TBC1D12: variants seen among roughly 807,000 people sequenced by gnomAD.
TBC1D12 encodes TBC1 domain family member 12, also known as TBC1 domain family, member 12.
TBC1D12 carries 56 observed loss-of-function variants against 86.7 expected under a neutral mutation model. The observed-to-expected ratio is 0.65, with a 90% confidence interval of 0.52 to 0.81. The LOEUF (loss-of-function observed/expected upper bound fraction) is 0.81. Ranked by LOEUF, TBC1D12 falls within the 30% of genes least tolerant of loss-of-function variation. The probability of loss-of-function intolerance (pLI) is 0.00; values close to 1 mark genes in which losing one functional copy is unlikely to be tolerated. For synonymous variants in TBC1D12, 421 were observed against 411.7 expected, an observed-to-expected ratio of 1.02 and a Z score of -0.27; for missense variants, 1,023 against 1,038.8, an observed-to-expected ratio of 0.98 and a Z score of 0.21.
At chr10:94,474,588 A>G in intron 2 of TBC1D12, 80 bp from the exon 3 acceptor site, 2 of 985,260 alleles carry the variant, frequency 2.0e-6, no homozygotes, top group Admixed American at 2.1e-5. Flanking sequence ...TTATAGCATA[A>G]TATTTTTAAT....
At chr10:94,511,508 T>A in intron 8 of TBC1D12, 75 bp from the exon 9 acceptor site, 1 of 906,820 alleles carries the variant, frequency 1.1e-6, no homozygotes, top group Non-Finnish European at 1.8e-6. Context: ...TGCTACAGTT[T>A]ATTAACATGT....
At chr10:94,494,957 G>T (rs1000266859) in intron 4 of TBC1D12, among the ~76,000 whole-genome samples, 24 of 151,190 alleles carry the variant, frequency 1.6e-4, no homozygotes, top group Admixed American at 1.3e-3. Flanking sequence ...GAATTCCTGG[G>T]CTCAAGCAAT....
intron 1 of TBC1D12, among the ~76,000 whole-genome samples, chr10:94,432,727 T>C (rs899525381): frequency 3.3e-5 from 5 of 152,084 alleles, no homozygotes; most frequent in Non-Finnish European, 5.9e-5. Context: ...TCTGAACTTA[T>C]TGTATTGTCA....
At chr10:94,443,587 T>G (rs1305305632) in intron 2 of TBC1D12, among the ~76,000 whole-genome samples, 1 of 152,210 alleles carries the variant, frequency 6.6e-6, no homozygotes, top group East Asian at 1.9e-4. Context: ...TGTGGGATAT[T>G]TAAATTTTTT....
chr10:94,414,169 G>T (rs1190025484), intron 1 of TBC1D12, among the ~76,000 whole-genome samples: 3 of 152,074 alleles, frequency 2.0e-5, no homozygotes, highest in Non-Finnish European at 4.4e-5. Flanking sequence ...CGTTATTCTT[G>T]TTAAGGTGGT....
chr10:94,531,350 A>T lies in TBC1D12; in HGVS notation c.2149A>T (p.Ile717Phe). 6.2e-7 allele frequency: 1 copy of T among 1,614,148 alleles called. No homozygotes were observed. Residue 717 changes from isoleucine (I) to phenylalanine (F), a missense_variant, in exon 12 of 13, where the codon ATT becomes TTT. By Grantham distance (21) the Ile-to-Phe change is conservative. Around this residue, in one of 2 missense-constraint regions of TBC1D12, gnomAD observed 395 missense variants for 507.7 expected, o/e 0.78. Coordinates refer to ENST00000225235, the MANE Select transcript of TBC1D12 (RefSeq NM_015188.2). ...YEDILLQMDFIHIAQFLTKLP... is the reference protein window; with the variant it reads ...YEDILLQMDFFHIAQFLTKLP... ...AGATATTCTCCTGCAGATGGACTTT[A>T]TTCATATAGCACAGTTTCTAACTAA... is the stretch of plus-strand genomic sequence containing the variant.
rs577890856 is a variant in TBC1D12, at chr10:94,455,431, A to G, written c.1095+13412A>G. Among the ~76,000 whole-genome samples the G allele has an allele frequency of 3.9e-5, 6 of 152,248 alleles. No individual in the cohort carries two copies. The South Asian group carries it at 6.2e-4, about 16-fold the overall frequency. ...ATGAGTGAGGAAGTATTTCCTCTCC[A>G]TCTGTCTTGTGGAAGAGATTATAGA... On this transcript the variant is annotated intron_variant, in intron 2 of 12. Transcript: ENST00000225235.
chr10:94,487,694 C>CTTTT (rs35682157), intron 3 of TBC1D12, among the ~76,000 whole-genome samples: 8 of 127,334 alleles, frequency 6.3e-5, no homozygotes, highest in Non-Finnish European at 1.3e-4. Context: ...TGTTGTTTCT[C>CTTTT]TTTTTTTTTT....
At chr10:94,504,075 G>A (rs185764540) in intron 6 of TBC1D12, among the ~76,000 whole-genome samples, 1 of 152,246 alleles carries the variant, frequency 6.6e-6, no homozygotes, top group African/African-American at 2.4e-5. Context: ...TCTGAGTTTG[G>A]AACAGATTGA....
At chr10:94,405,821 T>TC (rs1057309427) in intron 1 of TBC1D12, among the ~76,000 whole-genome samples, 8 of 152,068 alleles carry the variant, frequency 5.3e-5, no homozygotes, top group Non-Finnish European at 1.0e-4. Context: ...CATTTTTTTT[T>TC]TTTTTTGAGA....
intron 11 of TBC1D12, among the ~76,000 whole-genome samples, chr10:94,525,540 G>T (rs1024814190): frequency 6.6e-6 from 1 of 151,476 alleles, no homozygotes; most frequent in Non-Finnish European, 1.5e-5. Flanking sequence ...GGAGGCCAAG[G>T]TTGCAGTAAG....
chr10:94,448,877 T>G (rs1326361411), intron 2 of TBC1D12, among the ~76,000 whole-genome samples: 2 of 152,242 alleles, frequency 1.3e-5, no homozygotes, highest in Admixed American at 1.3e-4. Flanking sequence ...TAACTACACT[T>G]CTAGTTGCGT....
intron 6 of TBC1D12, among the ~76,000 whole-genome samples, chr10:94,501,247 G>A (rs1271361902): frequency 2.0e-5 from 3 of 151,844 alleles, no homozygotes; most frequent in Admixed American, 6.6e-5. Context: ...TCAGGATTTC[G>A]AGACCAGCCT....
chr10:94,522,031 A>G lies in TBC1D12; in HGVS notation c.1838A>G (p.Asn613Ser), dbSNP rs1433252216. 3.7e-6 allele frequency: 6 copies of G among 1,612,922 alleles called. No homozygotes were observed. Among genetic ancestry groups the G allele is most frequent in the South Asian group, 1.1e-5 (1 of 90,920 alleles). Reference protein sequence around the residue: ...EEADAFIAFANLLNKPCQLAF... With the variant: ...EEADAFIAFASLLNKPCQLAF... Reference sequence around the variant, plus strand: ...GCAGATGCCTTTATCGCATTTGCCAATCTCCTGAATAAGCCATGCCAGTTG... The same window carrying G: ...GCAGATGCCTTTATCGCATTTGCCAGTCTCCTGAATAAGCCATGCCAGTTG... The change falls in exon 10 of 13, where the codon AAT becomes AGT. Residue 613 changes from asparagine (N) to serine (S), a missense_variant. Physicochemically the swap from Asn to Ser is conservative, Grantham distance 46 (BLOSUM62 1). Transcript: ENST00000225235.
At chr10:94,531,772 A>ATGTTATTTTATTT (rs1564996781) in intron 12 of TBC1D12, among the ~76,000 whole-genome samples, 46 of 129,518 alleles carry the variant, frequency 3.6e-4, no homozygotes, top group African/African-American at 1.1e-3. Flanking sequence ...ATTTTATTTT[A>ATGTTATTTTATTT]TGTTATTTTA....
At chr10:94,458,318 A>C (rs1202331720) in intron 2 of TBC1D12, among the ~76,000 whole-genome samples, 2 of 152,128 alleles carry the variant, frequency 1.3e-5, no homozygotes, top group Non-Finnish European at 2.9e-5. Flanking sequence ...CCACCTCAGG[A>C]TTCTATAGAG....
At chr10:94,474,888 T>A in intron 3 of TBC1D12, 105 bp downstream of exon 3, 3 of 1,044,050 alleles carry the variant, frequency 2.9e-6, no homozygotes, top group Non-Finnish European at 4.2e-6. Flanking sequence ...AGAAAGGATT[T>A]AATTTTTACA....
At chr10:94,438,208 T>C (rs1053591040) in intron 1 of TBC1D12, among the ~76,000 whole-genome samples, 3 of 152,024 alleles carry the variant, frequency 2.0e-5, no homozygotes, top group Non-Finnish European at 4.4e-5. Flanking sequence ...TTTCTCCCAC[T>C]CCTCAGTGAT....
At chr10:94,521,910 T>G in intron 9 of TBC1D12, 45 bp from the exon 10 acceptor site, 1 of 1,511,056 alleles carries the variant, frequency 6.6e-7, no homozygotes, top group African/African-American at 1.4e-5. Flanking sequence ...CTATATAGAT[T>G]TATTATTGTA....
Sources: allele counts gnomAD v4.1 joint callset (sites outside exome capture counted in the v4.1 genomes callset), GRCh38; gene constraint gnomAD v4.1.1; regional missense constraint gnomAD v4.1.1; transcripts MANE v1.5; gene names NCBI Gene and HGNC (gene_info 2026-07-23, HGNC 2026-07-21).